ABI1: variants seen among roughly 807,000 people sequenced by gnomAD.
ABI1 encodes Abelson interactor 1.
In ABI1, 14 loss-of-function variants were observed where a neutral mutation model predicts 54.6. The observed-to-expected ratio is 0.26, with a 90% confidence interval of 0.17 to 0.40. The LOEUF is 0.40. Ranked by LOEUF, ABI1 falls within the 10% of genes least tolerant of loss-of-function variation. The pLI, the probability that ABI1 is intolerant of heterozygous loss-of-function variation, is 1.00. For missense variants in ABI1, 443 were observed against 598.3 expected, an observed-to-expected ratio of 0.74 and a Z score of 2.71; for synonymous variants, 194 against 209.3, an observed-to-expected ratio of 0.93 and a Z score of 0.63.
At chr10:26,827,568 C>T (rs1184599765) in intron 1 of ABI1, among the ~76,000 whole-genome samples, 1 of 149,218 alleles carries the variant, frequency 6.7e-6, no homozygotes, top group Non-Finnish European at 1.5e-5. Context: ...TCCCTATCAG[C>T]AATAAGGCTT....
At chr10:26,820,215 G>A (rs2047878326) in intron 2 of ABI1, among the ~76,000 whole-genome samples, 1 of 152,194 alleles carries the variant, frequency 6.6e-6, no homozygotes. Flanking sequence ...GTAGCTGTGT[G>A]AGGTGATAGA....
At chr10:26,848,768 C>G (rs188586521) in intron 1 of ABI1, among the ~76,000 whole-genome samples, 223 of 152,110 alleles carry the variant, frequency 1.5e-3, no homozygotes, top group African/African-American at 4.9e-3. Flanking sequence ...GCCACCACGC[C>G]CAGCTAATTT....
intron 3 of ABI1, among the ~76,000 whole-genome samples, chr10:26,776,058 G>A (rs150925441): frequency 4.6e-5 from 7 of 152,240 alleles, no homozygotes; most frequent in Non-Finnish European, 8.8e-5. Context: ...TACAATCCTA[G>A]CCACATCCCT....
intron 1 of ABI1, among the ~76,000 whole-genome samples, chr10:26,841,396 T>C (rs1434808227): frequency 9.4e-6 from 1 of 106,830 alleles, no homozygotes; most frequent in Non-Finnish European, 2.0e-5. Context: ...CCCACATAGT[T>C]ACCTTTTTTT....
At chr10:26,769,065 G>A in intron 5 of ABI1, 73 bp from the exon 6 acceptor site, 7 of 1,199,876 alleles carry the variant, frequency 5.8e-6, no homozygotes, top group Non-Finnish European at 7.9e-6. Context: ...AAATATGTGA[G>A]TCTCCCTTTG....
At chr10:26,784,883 T>C (rs1023783006) in intron 2 of ABI1, among the ~76,000 whole-genome samples, 1 of 152,204 alleles carries the variant, frequency 6.6e-6, no homozygotes, top group African/African-American at 2.4e-5. Flanking sequence ...AGGCCAAATC[T>C]GTGCTCTATA....
At position 26,823,281 on chromosome 10, in the gene ABI1, C is replaced by G. The variant is rs750912729; in HGVS notation, c.142G>C (p.Glu48Gln). 4.5e-6 allele frequency: 7 copies of G among 1,549,758 alleles called. No individual in the cohort carries two copies. The highest frequency in any genetic ancestry group is 6.0e-6 in the Non-Finnish European group (7 of 1,158,326). ...TGGGTTGTATAGGCTTTGGTCTCCT[C>G]TAAAGCTTTTCTCTTGTCTGTAGCC... The part of the protein sequence containing the change: ...IQATDKRKAL[E>Q]ETKAYTTQSL... Residue 48 changes from glutamate (E) to glutamine (Q), a missense_variant, in exon 2 of 11, where the codon GAG (glutamate) becomes CAG (glutamine). Glu to Gln is a conservative substitution (Grantham distance 29). Coordinates refer to ENST00000376140, the MANE Select transcript of ABI1 (RefSeq NM_001012750.3).
rs145357418 is a variant in ABI1, at chr10:26,798,666, G to A, written c.286-21425C>T. ...TACAGCAACTATAGGAAACTAAGGC[G>A]CACACACTGAGGTGGGGTTGGGGAA... is the stretch of plus-strand genomic sequence containing the variant. On this transcript the variant is annotated intron_variant, in intron 2 of 10. Coordinates refer to ENST00000376140, the MANE Select transcript of ABI1 (RefSeq NM_001012750.3). Among the ~76,000 whole-genome samples, 12 of 152,088 alleles carry A rather than the reference G, an allele frequency of 7.9e-5. No homozygotes were observed. In the East Asian group the frequency reaches 1.4e-3, roughly 17 times the overall value.
At chr10:26,810,651 T>C (rs907824165) in intron 2 of ABI1, among the ~76,000 whole-genome samples, 7 of 152,086 alleles carry the variant, frequency 4.6e-5, no homozygotes, top group African/African-American at 1.4e-4. Flanking sequence ...CACAGCTATG[T>C]TCCAATAAAA....
chr10:26,797,761 G>A (rs1044909184), intron 2 of ABI1, among the ~76,000 whole-genome samples: 4 of 152,156 alleles, frequency 2.6e-5, no homozygotes, highest in African/African-American at 9.7e-5. Flanking sequence ...AGAACGGAAT[G>A]TTCATATGAA....
chr10:26,819,805 A>G, intron 2 of ABI1, among the ~76,000 whole-genome samples: 1 of 152,230 alleles, frequency 6.6e-6, no homozygotes, highest in East Asian at 1.9e-4. Flanking sequence ...ATATACATAT[A>G]CATTTATTTA....
At chr10:26,832,867 T>C (rs7914180) in intron 1 of ABI1, among the ~76,000 whole-genome samples, 9,389 of 152,060 alleles carry the variant, frequency 0.062, 434 homozygotes, top group East Asian at 0.19. Flanking sequence ...TGACAAATAA[T>C]CTATTAAGTA....
intron 1 of ABI1, among the ~76,000 whole-genome samples, chr10:26,836,262 G>A (rs1284322266): frequency 2.0e-5 from 3 of 151,788 alleles, no homozygotes; most frequent in African/African-American, 7.3e-5. Context: ...ACAGGCGTGC[G>A]CCACCACACC....
At chr10:26,855,463 T>A (rs757700368) in intron 1 of ABI1, among the ~76,000 whole-genome samples, 1 of 152,320 alleles carries the variant, frequency 6.6e-6, no homozygotes, top group African/African-American at 2.4e-5. Flanking sequence ...ACTCTATGAC[T>A]AAACAAAACT....
At chr10:26,847,722 A>G (rs1429030421) in intron 1 of ABI1, among the ~76,000 whole-genome samples, 1 of 152,242 alleles carries the variant, frequency 6.6e-6, no homozygotes, top group Non-Finnish European at 1.5e-5. Context: ...ATATTATTTA[A>G]CAGAGGAAAA....
At chr10:26,765,491 A>G (rs1346622949) in intron 6 of ABI1, among the ~76,000 whole-genome samples, 173 bp from the exon 7 acceptor site, 1 of 152,126 alleles carries the variant, frequency 6.6e-6, no homozygotes, top group East Asian at 1.9e-4. Context: ...TGGATGTTCA[A>G]GTCCTGCAGT....
intron 2 of ABI1, among the ~76,000 whole-genome samples, chr10:26,801,552 A>G (rs2133377160): frequency 6.6e-6 from 1 of 152,276 alleles, no homozygotes; most frequent in Admixed American, 6.5e-5. Flanking sequence ...GTCTCAAAAA[A>G]AAAAAGGAAA....
At chr10:26,854,990 AC>A (rs1462919791) in intron 1 of ABI1, among the ~76,000 whole-genome samples, 3 of 151,392 alleles carry the variant, frequency 2.0e-5, no homozygotes, top group African/African-American at 2.4e-5. Context: ...GAAATCCAAA[AC>A]CCAAAACTTC....
chr10:26,768,915 C>A lies in ABI1; in HGVS notation c.656G>T (p.Arg219Met), dbSNP rs1840310649. ...VPNDYMTSPA[R>M]LGSQHSPGRT... is the part of the protein sequence containing the mutation. ...GCCTGGACTATGCTGACTTCCAAGC[C>A]TAGCAGGACTGGTCATATAGTCATT... The change falls in exon 6 of 11, where the codon AGG becomes ATG. Residue 219 changes from arginine to methionine, a missense_variant. By Grantham distance (91) the Arg-to-Met change is moderately conservative (BLOSUM62 -1). Coordinates refer to ENST00000376140, the MANE Select transcript of ABI1 (RefSeq NM_001012750.3). The A allele has an allele frequency of 6.2e-7, 1 of 1,613,554 alleles. No homozygotes were observed. The highest frequency in any genetic ancestry group is 1.3e-5 in the African/African-American group (1 of 74,848).
Sources: gnomAD v4.1 joint callset for allele counts (sites outside exome capture counted in the v4.1 genomes callset) on GRCh38, gnomAD v4.1.1 for gene constraint, MANE v1.5 for transcripts, NCBI Gene and HGNC (gene_info 2026-07-23, HGNC 2026-07-21) for gene names.